The following ANKRD36 variants were observed in gnomAD, a reference collection of about 807,000 sequenced individuals.
The protein encoded by ANKRD36 is ankyrin repeat domain-containing protein 36A.
Under a neutral mutation model 278.1 loss-of-function variants are expected in ANKRD36, and 179 were observed. That is an observed-to-expected ratio of 0.64 (90% CI 0.57 to 0.73). The LOEUF (loss-of-function observed/expected upper bound fraction) is 0.73, where lower values mean the gene tolerates loss of function less well. ANKRD36 is among the 30% of genes least tolerant of loss of function. The pLI is 0.00. For missense variants in ANKRD36, 1,159 were observed against 1,956.7 expected (o/e 0.59, Z 7.69); for synonymous variants, 320 against 641.1 (o/e 0.50, Z 7.57).
At chr2:97,212,090 C>G (rs1359534988) in intron 58 of ANKRD36, among the ~76,000 whole-genome samples, 3 of 151,858 alleles carry the variant, frequency 2.0e-5, no homozygotes, top group African/African-American at 7.2e-5. Context: ...TTAGAGGCGT[C>G]AGATTGTATT....
At chr2:97,177,928 T>C (rs1323802505) in intron 22 of ANKRD36, among the ~76,000 whole-genome samples, 2 of 149,912 alleles carry the variant, frequency 1.3e-5, no homozygotes, top group African/African-American at 4.9e-5. Flanking sequence ...AACCTACTCA[T>C]CTGACAAAGG....
chr2:97,185,409 A>G lies in ANKRD36; in HGVS notation c.1969-29A>G, dbSNP rs527588293. ...ATAGTCCATGAAACATACTTTCTTT[A>G]TTGATAATTTGCTTCAAATTACTTT... On this transcript the variant is annotated intron_variant, in intron 29 of 75. Transcript: ENST00000420699. The G allele has an allele frequency of 3.9e-5, 62 of 1,607,938 alleles. 1 individual carries two copies. In the African/African-American group the frequency reaches 7.5e-4, roughly 19 times the overall value.
At chr2:97,133,196 C>G (rs1268373281) in intron 6 of ANKRD36, among the ~76,000 whole-genome samples, 1 of 151,898 alleles carries the variant, frequency 6.6e-6, no homozygotes, top group Non-Finnish European at 1.5e-5. Flanking sequence ...CAGTTACAGC[C>G]CCAACTTAAT....
chr2:97,184,218 G>A (rs13015315), intron 28 of ANKRD36, among the ~76,000 whole-genome samples: 82,442 of 151,548 alleles, frequency 0.54, 28,947 homozygotes, highest in Non-Finnish European at 0.78. Context: ...CATTTAGAAT[G>A]TTTGCATACC....
chr2:97,164,443 G>A lies in ANKRD36; in HGVS notation c.1505G>A (p.Gly502Asp). The A allele has an allele frequency of 6.5e-7, 1 of 1,537,226 alleles. No individual in the cohort carries two copies. The highest frequency in any genetic ancestry group is 8.7e-7 in the Non-Finnish European group (1 of 1,146,774). Residue 502 changes from glycine to aspartate, a missense_variant, in exon 20 of 76, where the codon GGT becomes GAT. By Grantham distance (94) the Gly-to-Asp change is moderately conservative (BLOSUM62 -1). Transcript: ENST00000420699. ...CACATTTCAACTAGATTCTTAGGAG[G>A]TATGGATTCACTAACTTCCAGTGAA... ...RDHISTRFLG[G>D]MDSLTSSEES...
intron 70 of ANKRD36, 145 bp downstream of exon 70, chr2:97,244,174 A>G (rs1355681677): frequency 4.5e-5 from 50 of 1,121,116 alleles, no homozygotes; most frequent in Non-Finnish European, 5.4e-5. Context: ...ATTTATAGCT[A>G]TAATTATTTA....
At chr2:97,185,047 A>G (rs541753636) in intron 28 of ANKRD36, among the ~76,000 whole-genome samples, 1 of 151,924 alleles carries the variant, frequency 6.6e-6, no homozygotes, top group Non-Finnish European at 1.5e-5. Flanking sequence ...ATCATTCAGC[A>G]TATTCACATT....
chr2:97,220,490 A>G (rs529796475), intron 66 of ANKRD36, among the ~76,000 whole-genome samples: 265 of 151,384 alleles, frequency 1.8e-3, no homozygotes, highest in Non-Finnish European at 2.8e-3. Flanking sequence ...CAACATGTGA[A>G]GCCTTCCTTT....
intron 54 of ANKRD36, among the ~76,000 whole-genome samples, chr2:97,209,460 T>C (rs1001817217): frequency 2.0e-5 from 3 of 146,348 alleles, no homozygotes; most frequent in African/African-American, 8.0e-5. Flanking sequence ...ACGTGACAAA[T>C]CATATAATGT....
chr2:97,113,807 T>A lies in ANKRD36; in HGVS notation c.68T>A (p.Phe23Tyr), dbSNP rs1310261950. 6.2e-7 allele frequency: 1 copy of A among 1,612,994 alleles called. No homozygotes were observed. The highest frequency in any genetic ancestry group is 8.5e-7 in the Non-Finnish European group (1 of 1,179,980). ...CGCTTGTGCTCGGATGGCTTCGCAT[T>A]TCCCCAATACCCCATTAAACCGTAT... ...MERLCSDGFA[F>Y]PQYPIKPYHL... The change falls in exon 1 of 76, where the codon TTT (phenylalanine) becomes TAT (tyrosine). Residue 23 changes from phenylalanine (F) to tyrosine (Y), a missense_variant. By Grantham distance (22) the Phe-to-Tyr change is conservative. Transcript: ENST00000420699.
Position 97,207,819 on chromosome 2 carries a change from G to T in ANKRD36, c.3172G>T (p.Glu1058Ter). Residue 1058 changes from glutamate to a stop codon, truncating the protein, a stop_gained, in exon 53 of 76, where the codon GAG becomes TAG. Coordinates refer to ENST00000420699, the MANE Select transcript of ANKRD36 (RefSeq NM_001354587.1). LOFTEE classifies it high-confidence loss of function. ...DGEKSRTVSSEKPSGLKATSA... is the reference protein window; with the variant it reads ...DGEKSRTVSS Reference sequence around the variant, plus strand: ...TCCCTTTTACTTTTCAGTGTCTTCTGAGAAACCATCAGGCTTGAAGGTAAT... The same window carrying T: ...TCCCTTTTACTTTTCAGTGTCTTCTTAGAAACCATCAGGCTTGAAGGTAAT... The T allele has an allele frequency of 6.5e-7, 1 of 1,546,676 alleles. No individual in the cohort carries two copies.
chr2:97,180,130 G>C (rs1381395395), intron 24 of ANKRD36, among the ~76,000 whole-genome samples, 197 bp downstream of exon 24: 1 of 151,512 alleles, frequency 6.6e-6, no homozygotes, highest in East Asian at 2.0e-4. Context: ...TAAGATTGTA[G>C]ACTTCCCTAC....
At chr2:97,186,050 C>G in intron 30 of ANKRD36, among the ~76,000 whole-genome samples, 1 of 151,762 alleles carries the variant, frequency 6.6e-6, no homozygotes, top group East Asian at 1.9e-4. Flanking sequence ...TGAGTGAACT[C>G]ACTTCGGATG....
rs185050458 is a variant in ANKRD36, at chr2:97,189,543, C to A, written c.2245+253C>A. On this transcript the variant is annotated intron_variant, in intron 34 of 75. Transcript: ENST00000420699. ...GGAAGAAGATACATGGAGAGAGGTT[C>A]AAGACATAAGGGGCTCTGGGGAACA... is the stretch of plus-strand genomic sequence containing the variant. Among the ~76,000 whole-genome samples the A allele has an allele frequency of 1.3e-3, 112 of 88,074 alleles. 50 individuals are homozygous for A. The highest frequency in any genetic ancestry group is 1.6e-4 in the Non-Finnish European group (4 of 25,042). 57.8% of individuals were successfully genotyped at this position (88,074 alleles called of 152,430 possible). A position where few individuals can be genotyped will look rare whatever the true frequency, so the allele number is the denominator to read the frequency against.
At chr2:97,180,030 C>G in intron 24 of ANKRD36, 97 bp downstream of exon 24, 2 of 1,552,116 alleles carry the variant, frequency 1.3e-6, no homozygotes. Context: ...CTAAGCTGCA[C>G]GTTCTGATTC....
intron 64 of ANKRD36, among the ~76,000 whole-genome samples, chr2:97,218,356 A>G (rs1282781932): frequency 6.9e-6 from 1 of 144,690 alleles, no homozygotes; most frequent in Admixed American, 7.0e-5. Context: ...ATAATTTATT[A>G]TACTTTTTGA....
intron 54 of ANKRD36, 41 bp from the exon 55 acceptor site, chr2:97,209,640 T>A: frequency 6.3e-7 from 1 of 1,581,310 alleles, no homozygotes; most frequent in South Asian, 1.1e-5. Flanking sequence ...AACTTTATCA[T>A]ATTTACATGT....
rs572790520 is a variant in ANKRD36, at chr2:97,227,150, C to T, written c.3951+2271C>T. Among the ~76,000 whole-genome samples the T allele has an allele frequency of 2.1e-4, 32 of 152,192 alleles. No individual in the cohort carries two copies. In the East Asian group the frequency reaches 6.3e-3, roughly 30 times the overall value. On this transcript the variant is annotated intron_variant, in intron 67 of 75. Transcript: ENST00000420699. ...ATATGAACTTTAAAGTAGTTTTTTC[C>T]AATTCAGTGAAGAAAGTCTTTGGGA...
intron 22 of ANKRD36, among the ~76,000 whole-genome samples, chr2:97,179,301 G>A (rs149323540): frequency 3.3e-5 from 5 of 151,230 alleles, no homozygotes; most frequent in Non-Finnish European, 7.4e-5. Flanking sequence ...AAGTTAAAGA[G>A]CATGATGAAT....
Sources: allele counts gnomAD v4.1 joint callset (sites outside exome capture counted in the v4.1 genomes callset), GRCh38; gene constraint gnomAD v4.1.1; transcripts MANE v1.5; gene names NCBI Gene and HGNC (gene_info 2026-07-23, HGNC 2026-07-21).